Variants in CHLSN observed in about 807,000 individuals in gnomAD.
CHLSN encodes the protein cholesin, also known as protein cholesin.
At chr7:1,068,139 C>T in the CHLSN span, among the ~76,000 whole-genome samples, 2 of 152,178 alleles carry the variant, frequency 1.3e-5, no homozygotes, top group African/African-American at 4.8e-5. Context: ...TAGCAGAGGG[C>T]AAAGCCTTGA....
the CHLSN span, among the ~76,000 whole-genome samples, chr7:1,083,442 G>A: frequency 6.6e-6 from 1 of 151,956 alleles, no homozygotes. Flanking sequence ...GGCTAACACA[G>A]TAAAACCCCA....
the CHLSN span, among the ~76,000 whole-genome samples, chr7:1,004,498 G>A: frequency 3.3e-5 from 5 of 151,974 alleles, no homozygotes; most frequent in Admixed American, 3.3e-4. Flanking sequence ...TGCTGCCTAC[G>A]GCCCTGAACC....
the CHLSN span, among the ~76,000 whole-genome samples, chr7:1,070,741 T>C: frequency 7.6e-6 from 1 of 132,386 alleles, no homozygotes; most frequent in Non-Finnish European, 1.6e-5. Context: ...CACGCACATA[T>C]GCACACAACG....
the CHLSN span, among the ~76,000 whole-genome samples, chr7:1,134,430 C>G: frequency 7.1e-6 from 1 of 141,742 alleles, no homozygotes. Flanking sequence ...AAAAATTAGC[C>G]AGGTGTGGTG....
At chr7:1,055,558 G>A in the CHLSN span, 494 of 414,728 alleles carry the variant, frequency 1.2e-3, 1 homozygote, top group Non-Finnish European at 2.0e-3. Context: ...GAGAGGGGAC[G>A]TGGGGGACTC....
the CHLSN span, among the ~76,000 whole-genome samples, chr7:1,018,329 G>A: frequency 3.3e-5 from 5 of 152,236 alleles, no homozygotes; most frequent in African/African-American, 4.8e-5. Context: ...TCACTCCACA[G>A]CTTTGAAACC....
chr7:1,001,494 C>CGGGTGAGTGGAGTCCTGT, the CHLSN span, among the ~76,000 whole-genome samples: 1 of 56,140 alleles, frequency 1.8e-5, no homozygotes, highest in Non-Finnish European at 3.4e-5. Flanking sequence ...TGGAGTCCTG[C>CGGGTGAGTGGAGTCCTGT]GGGTGAGTGG....
At chr7:1,113,659 C>T in the CHLSN span, among the ~76,000 whole-genome samples, 2 of 152,202 alleles carry the variant, frequency 1.3e-5, no homozygotes, top group African/African-American at 2.4e-5. Context: ...CGACACCCAC[C>T]TCGTCCCAGC....
the CHLSN span, among the ~76,000 whole-genome samples, chr7:1,122,167 A>G: frequency 6.6e-6 from 1 of 152,234 alleles, no homozygotes; most frequent in East Asian, 1.9e-4. Flanking sequence ...GACTGAAACC[A>G]GCACAGCACC....
chr7:991,854 G>A, the CHLSN span, among the ~76,000 whole-genome samples: 2 of 152,158 alleles, frequency 1.3e-5, no homozygotes, highest in Admixed American at 6.5e-5. Flanking sequence ...CACCCACTCC[G>A]AGTCCCTCCC....
At chr7:1,134,934 C>G in the CHLSN span, among the ~76,000 whole-genome samples, 1 of 152,100 alleles carries the variant, frequency 6.6e-6, no homozygotes, top group African/African-American at 2.4e-5. Context: ...GTCTCTGACT[C>G]CTTTCCTTCC....
At chr7:1,070,322 C>A in the CHLSN span, among the ~76,000 whole-genome samples, 3 of 143,128 alleles carry the variant, frequency 2.1e-5, no homozygotes, top group South Asian at 2.3e-4. Context: ...GTCAGCCCCC[C>A]GCCTGGCCAG....
chr7:991,588 A>G, the CHLSN span, among the ~76,000 whole-genome samples: 1 of 152,346 alleles, frequency 6.6e-6, no homozygotes, highest in Admixed American at 6.5e-5. Context: ...GCTGCCGGCC[A>G]GGTGCACAGG....
chr7:1,103,614 C>CATTTGATCATTTTTAAACCCATTTT, the CHLSN span, among the ~76,000 whole-genome samples: 2 of 152,204 alleles, frequency 1.3e-5, no homozygotes. Flanking sequence ...ATTCAGACCA[C>CATTTGATCATTTTTAAACCCATTTT]GCTTTCATTA....
the CHLSN span, among the ~76,000 whole-genome samples, chr7:1,112,826 C>T: frequency 5.9e-5 from 9 of 152,134 alleles, no homozygotes; most frequent in African/African-American, 1.9e-4. Flanking sequence ...AGAAGCGCAG[C>T]GGCTTCGTAA....
the CHLSN span, among the ~76,000 whole-genome samples, chr7:1,012,493 C>A: frequency 4.6e-5 from 7 of 152,252 alleles, no homozygotes; most frequent in Non-Finnish European, 1.0e-4. Flanking sequence ...CAGGCACCAG[C>A]CTGGATGCTG....
the CHLSN span, among the ~76,000 whole-genome samples, chr7:1,081,321 C>T: frequency 6.6e-6 from 1 of 152,206 alleles, no homozygotes; most frequent in Non-Finnish European, 1.5e-5. Context: ...GTGAGGACCC[C>T]CTCTCCTAAG....
At chr7:1,030,506 C>T in the CHLSN span, among the ~76,000 whole-genome samples, 3 of 152,304 alleles carry the variant, frequency 2.0e-5, no homozygotes, top group Non-Finnish European at 4.4e-5. Flanking sequence ...CACTCCACTC[C>T]ATCTCACGCT....
chr7:992,443 G>A, the CHLSN span, among the ~76,000 whole-genome samples: 1 of 152,254 alleles, frequency 6.6e-6, no homozygotes, highest in Non-Finnish European at 1.5e-5. Context: ...GGCTGGCCGG[G>A]CTTAGGAGGA....
Sources: allele counts gnomAD v4.1 joint callset (sites outside exome capture counted in the v4.1 genomes callset), GRCh38; gene constraint gnomAD v4.1.1; transcripts MANE v1.5; gene names NCBI Gene and HGNC (gene_info 2026-07-23, HGNC 2026-07-21).